KIRREL3: variants seen among roughly 807,000 people sequenced by gnomAD.
KIRREL3 encodes the protein kin of IRRE-like protein 3.
A neutral mutation model predicts 89.7 loss-of-function variants in KIRREL3; 36 were observed. That is an observed-to-expected ratio of 0.40 (90% CI 0.31 to 0.53). The LOEUF (loss-of-function observed/expected upper bound fraction) is 0.53, where lower values mean the gene tolerates loss of function less well. Among genes scored for constraint, KIRREL3 ranks in the 20% least tolerant of loss-of-function variants. The pLI, the probability that KIRREL3 is intolerant of heterozygous loss-of-function variation, is 0.49. For synonymous variants in KIRREL3, 445 were observed against 441.4 expected (o/e 1.01, Z -0.10); for missense variants, 864 against 1,056.6 (o/e 0.82, Z 2.53).
At chr11:126,866,873 A>G (rs1453474975) in intron 1 of KIRREL3, among the ~76,000 whole-genome samples, 1 of 152,146 alleles carries the variant, frequency 6.6e-6, no homozygotes, top group East Asian at 1.9e-4. Flanking sequence ...TGGCCTCCGC[A>G]TCCACCTTGC....
chr11:126,707,695 T>A (rs557397198), intron 1 of KIRREL3, among the ~76,000 whole-genome samples: 197 of 152,318 alleles, frequency 1.3e-3, no homozygotes, highest in Non-Finnish European at 2.0e-3. Flanking sequence ...TAAATTCTCA[T>A]CTAACTCATT....
At chr11:126,450,228 C>T (rs963814602) in intron 7 of KIRREL3, among the ~76,000 whole-genome samples, 14 of 150,564 alleles carry the variant, frequency 9.3e-5, no homozygotes, top group Non-Finnish European at 1.6e-4. Context: ...TATGTGTGCA[C>T]GTGTGCATAT....
intron 1 of KIRREL3, among the ~76,000 whole-genome samples, chr11:126,584,657 A>G (rs1941729834): frequency 6.6e-6 from 1 of 152,118 alleles, no homozygotes; most frequent in South Asian, 2.1e-4. Context: ...TGACACTACC[A>G]GCTTCTCTCT....
upstream of KIRREL3, among the ~76,000 whole-genome samples, chr11:127,002,299 G>A (rs146705913): frequency 6.6e-6 from 1 of 152,298 alleles, no homozygotes; most frequent in Non-Finnish European, 1.5e-5. Context: ...TCCCTTAGAG[G>A]CTGTTAAACA....
In KIRREL3 at chr11:126,434,277, G is replaced by T. The variant is rs143849421; in HGVS notation, c.1588+991C>A. Among the ~76,000 whole-genome samples the T allele has an allele frequency of 5.6e-3, 860 of 152,366 alleles. 11 individuals carry two copies. Among genetic ancestry groups the T allele is most frequent in the African/African-American group, 0.019 (801 of 41,596 alleles). On this transcript the variant is annotated intron_variant, in intron 13 of 16. Coordinates refer to ENST00000525144, the MANE Select transcript of KIRREL3 (RefSeq NM_032531.4). ...GTGCCAGGCACCAGGAGCCACCGAG[G>T]GGGGAAGGTGTTGGGGAGCTCTGGA...
rs1442377109 is a variant in KIRREL3 at position 126,641,423 on chromosome 11, C to T, written c.56-78511G>A. On this transcript the variant is annotated intron_variant, in intron 1 of 16. Coordinates refer to ENST00000525144, the MANE Select transcript of KIRREL3 (RefSeq NM_032531.4). The surrounding 1 kb of genome is among the most constrained non-coding windows in gnomAD (Gnocchi z 5.0). ...TTGCCACTCTCATCAGATCAGGGTGCAGGGTGTCATGAGTTTTACAGATTC... is the reference window on the plus strand; with the variant it reads ...TTGCCACTCTCATCAGATCAGGGTGTAGGGTGTCATGAGTTTTACAGATTC... 6.6e-6 allele frequency among the ~76,000 whole-genome samples: 1 copy of T among 152,056 alleles called. No individual in the cohort carries two copies. The highest frequency in any genetic ancestry group is 1.9e-4 in the East Asian group (1 of 5,172).
At position 126,802,315 on chromosome 11, in the gene KIRREL3, C is replaced by T. The variant is rs999257696; in HGVS notation, c.55+198140G>A. On this transcript the variant is annotated intron_variant, in intron 1 of 16. Transcript: ENST00000525144. This position sits in a 1 kb window ranked among gnomAD's most constrained non-coding sequence, Gnocchi z 5.2. Reference sequence around the variant, plus strand: ...GGGCAGAAACAAAGGAAAAGCAGCCCAGGGAGATGGCGTTAGTGCCAGGCG... The same window carrying T: ...GGGCAGAAACAAAGGAAAAGCAGCCTAGGGAGATGGCGTTAGTGCCAGGCG... Among the ~76,000 whole-genome samples, 2 of 152,116 alleles carry T rather than the reference C, an allele frequency of 1.3e-5. No individual in the cohort carries two copies. The highest frequency in any genetic ancestry group is 4.8e-5 in the African/African-American group (2 of 41,418).
intron 4 of KIRREL3, among the ~76,000 whole-genome samples, chr11:126,512,729 C>G (rs539515382): frequency 6.6e-6 from 1 of 152,298 alleles, no homozygotes; most frequent in South Asian, 2.1e-4. Context: ...TCAGCATCTC[C>G]CAGGGTCACG....
intron 1 of KIRREL3, among the ~76,000 whole-genome samples, chr11:126,585,902 G>T (rs1591780082): frequency 6.6e-6 from 1 of 152,256 alleles, no homozygotes; most frequent in Non-Finnish European, 1.5e-5. Flanking sequence ...GCTTCCCTGT[G>T]CTGCCTGAGA....
At chr11:126,850,786 G>A (rs1451933931) in intron 1 of KIRREL3, among the ~76,000 whole-genome samples, 2 of 152,212 alleles carry the variant, frequency 1.3e-5, no homozygotes, top group African/African-American at 4.8e-5. Context: ...CCTCAGCTGT[G>A]CAGGGGACCT....
chr11:126,499,488 A>G (rs540042192), intron 4 of KIRREL3, among the ~76,000 whole-genome samples: 11 of 152,114 alleles, frequency 7.2e-5, no homozygotes, highest in East Asian at 3.9e-4. Context: ...TCTCTTAAAC[A>G]CCTAGGACGG....
chr11:126,460,410 T>A (rs557635665), intron 6 of KIRREL3, among the ~76,000 whole-genome samples: 1 of 152,148 alleles, frequency 6.6e-6, no homozygotes, highest in East Asian at 1.9e-4. Context: ...ATTACTTCCA[T>A]GTACAGAGGA....
At chr11:126,863,708 CG>C (rs1944826302) in intron 1 of KIRREL3, among the ~76,000 whole-genome samples, 1 of 151,874 alleles carries the variant, frequency 6.6e-6, no homozygotes, top group African/African-American at 2.4e-5. Flanking sequence ...AGTGTAGTAG[CG>C]GAGGAACAAA....
intron 1 of KIRREL3, among the ~76,000 whole-genome samples, chr11:126,654,204 C>T (rs530411897): frequency 9.2e-5 from 14 of 152,260 alleles, no homozygotes; most frequent in African/African-American, 3.4e-4. Flanking sequence ...GGGAAGACCT[C>T]CACTGGGGAC....
At chr11:126,593,606 C>T (rs1177022941) in intron 1 of KIRREL3, among the ~76,000 whole-genome samples, 2 of 152,224 alleles carry the variant, frequency 1.3e-5, no homozygotes, top group African/African-American at 4.8e-5. Flanking sequence ...TCCATAGCCA[C>T]GTTGCCCTGT....
rs1417473490 is a variant in KIRREL3, at chr11:126,872,005, A to T, written c.55+128450T>A. Among the ~76,000 whole-genome samples, 1 of 152,204 alleles carries T rather than the reference A, an allele frequency of 6.6e-6. No individual in the cohort carries two copies. Among genetic ancestry groups the T allele is most frequent in the Non-Finnish European group, 1.5e-5 (1 of 68,040 alleles). Reference sequence around the variant, plus strand: ...CCTGGACTTTGTACTTAATGCAGACAGTGGCTATGAGGTAGGAAATCAGCA... The same window carrying T: ...CCTGGACTTTGTACTTAATGCAGACTGTGGCTATGAGGTAGGAAATCAGCA... On this transcript the variant is annotated intron_variant, in intron 1 of 16. Coordinates refer to ENST00000525144, the MANE Select transcript of KIRREL3 (RefSeq NM_032531.4). This position sits in a 1 kb window ranked among gnomAD's most constrained non-coding sequence, Gnocchi z 4.2.
At chr11:126,567,884 C>A (rs1049490075) in intron 1 of KIRREL3, among the ~76,000 whole-genome samples, 5 of 152,080 alleles carry the variant, frequency 3.3e-5, no homozygotes, top group African/African-American at 1.2e-4. Context: ...CGGATAGGCA[C>A]CAGCCTCTGC....
In KIRREL3 at chr11:126,628,965, A is replaced by T. The variant is rs763158143; in HGVS notation, c.56-66053T>A. Among the ~76,000 whole-genome samples, 4 of 152,230 alleles carry T rather than the reference A, an allele frequency of 2.6e-5. No individual in the cohort carries two copies. Among genetic ancestry groups the T allele is most frequent in the Non-Finnish European group, 4.4e-5 (3 of 68,040 alleles). ...TAAATCTTTGATAATGAGCATTTAAAGGGCACGTCCTAATGAAGGGAGCCA... is the reference window on the plus strand; with the variant it reads ...TAAATCTTTGATAATGAGCATTTAATGGGCACGTCCTAATGAAGGGAGCCA... On this transcript the variant is annotated intron_variant, in intron 1 of 16. Coordinates refer to ENST00000525144, the MANE Select transcript of KIRREL3 (RefSeq NM_032531.4). The surrounding 1 kb of genome is among the most constrained non-coding windows in gnomAD (Gnocchi z 5.2).
At chr11:126,500,025 G>T (rs1957804464) in intron 4 of KIRREL3, among the ~76,000 whole-genome samples, 1 of 152,170 alleles carries the variant, frequency 6.6e-6, no homozygotes, top group South Asian at 2.1e-4. Context: ...AAGGATAAAC[G>T]AGTGAATGTA....
Sources: allele counts gnomAD v4.1 joint callset (sites outside exome capture counted in the v4.1 genomes callset), GRCh38; gene constraint gnomAD v4.1.1; non-coding constraint Gnocchi (gnomAD v3.1); transcripts MANE v1.5; gene names NCBI Gene and HGNC (gene_info 2026-07-23, HGNC 2026-07-21).